The following PCCA variants were observed in gnomAD, a reference collection of about 807,000 sequenced individuals.
PCCA encodes propionyl-CoA carboxylase alpha chain, mitochondrial.
Under a neutral mutation model 101.3 loss-of-function variants are expected in PCCA, and 74 were observed. That is an observed-to-expected ratio of 0.73 (90% CI 0.61 to 0.89). The LOEUF is 0.89. Among genes scored for constraint, PCCA ranks in the 40% least tolerant of loss-of-function variants. The probability of loss-of-function intolerance (pLI) is 0.00; values close to 1 mark genes in which losing one functional copy is unlikely to be tolerated. For missense variants in PCCA, 891 were observed against 907.0 expected (o/e 0.98, Z 0.23); for synonymous variants, 294 against 313.6 (o/e 0.94, Z 0.66).
chr13:100,299,751 TG>T (rs1209981028), intron 12 of PCCA, among the ~76,000 whole-genome samples: 2 of 152,194 alleles, frequency 1.3e-5, no homozygotes, highest in African/African-American at 4.8e-5. Context: ...AATATCGCTC[TG>T]TTGCCCAGAC....
At chr13:100,231,431 C>T (rs764008088) in intron 7 of PCCA, among the ~76,000 whole-genome samples, 3 of 151,960 alleles carry the variant, frequency 2.0e-5, no homozygotes, top group Non-Finnish European at 4.4e-5. Flanking sequence ...GAGACTCATG[C>T]TTAGGCGGAC....
At chr13:100,355,083 C>T (rs2073827106) in intron 18 of PCCA, among the ~76,000 whole-genome samples, 1 of 151,928 alleles carries the variant, frequency 6.6e-6, no homozygotes, top group Admixed American at 6.6e-5. Flanking sequence ...AAACTGAATC[C>T]AAGAATATAT....
chr13:100,288,032 A>T (rs1432637641), intron 12 of PCCA, among the ~76,000 whole-genome samples: 1 of 152,176 alleles, frequency 6.6e-6, no homozygotes, highest in East Asian at 1.9e-4. Context: ...CGATTGTTTT[A>T]TTCAATTCCT....
At chr13:100,219,246 C>T (rs866050434) in intron 7 of PCCA, among the ~76,000 whole-genome samples, 11 of 152,052 alleles carry the variant, frequency 7.2e-5, no homozygotes, top group South Asian at 4.2e-4. Context: ...ATATTTCTAC[C>T]AGTATAATTA....
intron 6 of PCCA, among the ~76,000 whole-genome samples, chr13:100,160,078 G>A (rs2054290694): frequency 1.3e-5 from 2 of 152,090 alleles, no homozygotes; most frequent in Non-Finnish European, 2.9e-5. Context: ...ATTTGCTTTA[G>A]AAAGTGTACA....
intron 12 of PCCA, among the ~76,000 whole-genome samples, chr13:100,288,471 A>G (rs1441371072): frequency 2.0e-5 from 3 of 151,962 alleles, no homozygotes; most frequent in Non-Finnish European, 2.9e-5. Context: ...TAATTTTTGT[A>G]TTTTTTGTAG....
chr13:100,135,347 C>T (rs2051031293), intron 4 of PCCA, among the ~76,000 whole-genome samples: 2 of 152,062 alleles, frequency 1.3e-5, no homozygotes, highest in South Asian at 4.1e-4. Flanking sequence ...GTTATGATCA[C>T]AACACTTACA....
chr13:100,374,482 G>A (rs1392199642), intron 19 of PCCA, among the ~76,000 whole-genome samples: 1 of 151,980 alleles, frequency 6.6e-6, no homozygotes, highest in African/African-American at 2.4e-5. Context: ...ATAGTTTTTG[G>A]CCAGGTACAG....
At chr13:100,134,755 T>C (rs1264434071) in intron 4 of PCCA, among the ~76,000 whole-genome samples, 1 of 151,970 alleles carries the variant, frequency 6.6e-6, no homozygotes, top group Non-Finnish European at 1.5e-5. Context: ...GGTCTCCCTA[T>C]ATTGTCAAGG....
intron 17 of PCCA, among the ~76,000 whole-genome samples, chr13:100,337,160 A>G (rs1164200673): frequency 6.6e-6 from 1 of 152,168 alleles, no homozygotes; most frequent in Admixed American, 6.5e-5. Flanking sequence ...TCATCAGTAA[A>G]CAGAAAAAGG....
intron 18 of PCCA, among the ~76,000 whole-genome samples, chr13:100,343,906 C>T (rs2071780724): frequency 6.6e-6 from 1 of 152,096 alleles, no homozygotes; most frequent in Non-Finnish European, 1.5e-5. Flanking sequence ...GAAACCCTGT[C>T]TGTACTAAAA....
intron 21 of PCCA, among the ~76,000 whole-genome samples, chr13:100,467,083 A>C (rs1299695377): frequency 2.0e-5 from 3 of 152,174 alleles, no homozygotes; most frequent in Non-Finnish European, 2.9e-5. Context: ...CCCATGTTTC[A>C]GATGCAGTAA....
Position 100,513,854 on chromosome 13 carries a change from A to G in PCCA, c.1900-1573A>G, listed in dbSNP as rs574438297. On this transcript the variant is annotated intron_variant, in intron 21 of 23. Coordinates refer to ENST00000376285, the MANE Select transcript of PCCA (RefSeq NM_000282.4). ...AACTAGAAAAGTAACTTTTTTGTTG[A>G]CTCTGATGCCTCTAGTGATGTTGGA... Among the ~76,000 whole-genome samples the G allele has an allele frequency of 3.9e-5, 6 of 152,276 alleles. No individual in the cohort carries two copies. In the East Asian group the frequency reaches 1.2e-3, roughly 29 times the overall value.
chr13:100,170,273 T>C (rs2055504631), intron 6 of PCCA, among the ~76,000 whole-genome samples: 1 of 152,248 alleles, frequency 6.6e-6, no homozygotes, highest in Non-Finnish European at 1.5e-5. Flanking sequence ...GTTTTTGTTC[T>C]AGTGAAGGAA....
intron 12 of PCCA, among the ~76,000 whole-genome samples, chr13:100,299,753 T>G (rs942619532): frequency 1.3e-5 from 2 of 152,166 alleles, no homozygotes; most frequent in Non-Finnish European, 2.9e-5. Context: ...TATCGCTCTG[T>G]TGCCCAGACT....
At position 100,472,379 on chromosome 13, in the gene PCCA, C is replaced by T. The variant is rs1451081207; in HGVS notation, c.1899+23074C>T. ...ACTCCCCAGTCTGCAGTCTGGCCCT[C>T]GGTGGTCCTGCAGATCTGGTGTTGA... On this transcript the variant is annotated intron_variant, in intron 21 of 23. Transcript: ENST00000376285. 3.3e-5 allele frequency among the ~76,000 whole-genome samples: 5 copies of T among 152,178 alleles called. No individual in the cohort carries two copies. In the South Asian group the frequency reaches 6.2e-4, roughly 19 times the overall value.
At chr13:100,242,667 A>G (rs1246059934) in intron 8 of PCCA, among the ~76,000 whole-genome samples, 2 of 152,210 alleles carry the variant, frequency 1.3e-5, no homozygotes, top group East Asian at 1.9e-4. Context: ...AAAAGAAAAT[A>G]TAATAACAAA....
At chr13:100,239,088 T>C (rs2060973819) in intron 8 of PCCA, among the ~76,000 whole-genome samples, 1 of 152,204 alleles carries the variant, frequency 6.6e-6, no homozygotes. Flanking sequence ...GTATTGAGCA[T>C]TGATGAATTA....
chr13:100,455,338 AG>A (rs1159423425), intron 21 of PCCA, among the ~76,000 whole-genome samples: 1 of 152,218 alleles, frequency 6.6e-6, no homozygotes, highest in Admixed American at 6.5e-5. Context: ...TCCCTGCACA[AG>A]GAACTAACAT....
Sources: allele counts gnomAD v4.1 joint callset (sites outside exome capture counted in the v4.1 genomes callset), GRCh38; gene constraint gnomAD v4.1.1; transcripts MANE v1.5; gene names NCBI Gene and HGNC (gene_info 2026-07-23, HGNC 2026-07-21).